Variants in SHANK2 observed in about 807,000 individuals in gnomAD.
The protein encoded by SHANK2 is SH3 and multiple ankyrin repeat domains 2, also known as SH3 and multiple ankyrin repeat domains protein 2.
In SHANK2, 43 loss-of-function variants were observed where a neutral mutation model predicts 133.7. That is an observed-to-expected ratio of 0.32 (90% CI 0.25 to 0.41). The LOEUF (loss-of-function observed/expected upper bound fraction) is 0.41, where lower values mean the gene tolerates loss of function less well. Ranked by LOEUF, SHANK2 falls within the 10% of genes least tolerant of loss-of-function variation. The pLI is 1.00. For synonymous variants in SHANK2, 1,017 were observed against 952.8 expected, an observed-to-expected ratio of 1.07 and a Z score of -1.24; for missense variants, 1,994 against 2,235.8, an observed-to-expected ratio of 0.89 and a Z score of 2.18.
intron 17 of SHANK2, chr11:70,631,730 T>G (rs916499628): frequency 1.3e-5 from 2 of 152,310 alleles, no homozygotes; most frequent in African/African-American, 4.8e-5. Flanking sequence ...GGATGAAGCC[T>G]GGCCCAAAGC....
At chr11:71,072,080 G>C (rs1350525977) in intron 9 of SHANK2, among the ~76,000 whole-genome samples, 2 of 152,312 alleles carry the variant, frequency 1.3e-5, no homozygotes, top group African/African-American at 4.8e-5. Context: ...GGCACGGACA[G>C]AGAAGTCCTT....
At chr11:70,910,572 C>T (rs1315703329) in intron 10 of SHANK2, among the ~76,000 whole-genome samples, 1 of 152,138 alleles carries the variant, frequency 6.6e-6, no homozygotes, top group Admixed American at 6.5e-5. Flanking sequence ...CACTGAGAGG[C>T]TGAGGTGGAC....
At chr11:71,083,049 G>T (rs1253018618) in intron 8 of SHANK2, among the ~76,000 whole-genome samples, 2 of 151,562 alleles carry the variant, frequency 1.3e-5, no homozygotes, top group Non-Finnish European at 2.9e-5. Flanking sequence ...GGCTCAGGGG[G>T]TCCTCCCACC....
chr11:71,163,093 A>AAAAAAACATATATATAT, intron 2 of SHANK2, among the ~76,000 whole-genome samples: 1 of 84,676 alleles, frequency 1.2e-5, no homozygotes, highest in Non-Finnish European at 2.5e-5. Context: ...AAAAAAAAAA[A>AAAAAAACATATATATAT]ATACATATAT....
intron 11 of SHANK2, among the ~76,000 whole-genome samples, chr11:70,840,810 G>C (rs1341876467): frequency 1.3e-5 from 2 of 152,148 alleles, no homozygotes. Flanking sequence ...TGCAGTGGGG[G>C]TTCTCATGCT....
intron 11 of SHANK2, among the ~76,000 whole-genome samples, chr11:70,868,256 C>T (rs1949402745): frequency 6.6e-6 from 1 of 152,244 alleles, no homozygotes; most frequent in East Asian, 1.9e-4. Flanking sequence ...GGTCGGCATA[C>T]GGACACCTGT....
Position 70,606,279 on chromosome 11 carries a change from T to G in SHANK2, c.2061+53549A>C, listed in dbSNP as rs576734659. On this transcript the variant is annotated intron_variant, in intron 17 of 25. Coordinates refer to ENST00000601538, the MANE Select transcript of SHANK2 (RefSeq NM_012309.5). Reference sequence around the variant, plus strand: ...TTAAAGATCCTAGCATGAACAGGCTTGGTTGCTCCTGCCTTTGATCCCAAT... The same window carrying G: ...TTAAAGATCCTAGCATGAACAGGCTGGGTTGCTCCTGCCTTTGATCCCAAT... 2.0e-5 allele frequency among the ~76,000 whole-genome samples: 3 copies of G among 152,248 alleles called. No individual in the cohort carries two copies. The East Asian group carries it at 5.8e-4, about 29-fold the overall frequency.
chr11:70,489,392 C>T, intron 23 of SHANK2, 44 bp from the exon 24 acceptor site: 1 of 1,605,560 alleles, frequency 6.2e-7, no homozygotes, highest in Non-Finnish European at 8.5e-7. Flanking sequence ...AACCGCAAGA[C>T]AAATACGCAG....
chr11:70,815,322 G>C (rs1057264061), intron 12 of SHANK2, among the ~76,000 whole-genome samples: 5 of 151,760 alleles, frequency 3.3e-5, no homozygotes, highest in African/African-American at 1.2e-4. Context: ...AGACTGTGGG[G>C]GAGGATGGGG....
At chr11:70,885,282 G>A (rs1363713355) in intron 11 of SHANK2, among the ~76,000 whole-genome samples, 1 of 152,330 alleles carries the variant, frequency 6.6e-6, no homozygotes, top group Middle Eastern at 3.4e-3. Context: ...GGGGGATGGA[G>A]TGGGAAAGGC....
chr11:70,689,046 G>C (rs535455920), intron 15 of SHANK2, among the ~76,000 whole-genome samples: 1 of 152,210 alleles, frequency 6.6e-6, no homozygotes, highest in South Asian at 2.1e-4. Context: ...GGAACGTGCA[G>C]TTCACCTGAG....
intron 14 of SHANK2, among the ~76,000 whole-genome samples, chr11:70,786,560 T>C (rs150589513): frequency 2.0e-5 from 3 of 152,310 alleles, no homozygotes; most frequent in Admixed American, 6.5e-5. Context: ...CTGCAGGGCA[T>C]ATAAATCCAA....
intron 14 of SHANK2, among the ~76,000 whole-genome samples, chr11:70,763,602 C>T (rs544646563): frequency 2.0e-5 from 3 of 152,280 alleles, no homozygotes; most frequent in Middle Eastern, 3.4e-3. Flanking sequence ...CATGTGCTTT[C>T]GGGCCAACAG....
chr11:71,244,623 C>G (rs950339357), intron 1 of SHANK2, among the ~76,000 whole-genome samples: 1 of 152,208 alleles, frequency 6.6e-6, no homozygotes, highest in African/African-American at 2.4e-5. Flanking sequence ...GGAGCAGATA[C>G]GGGAACCCAG....
Position 70,778,835 on chromosome 11 carries a change from C to G in SHANK2, c.1777+19608G>C, listed in dbSNP as rs117345055. Among the ~76,000 whole-genome samples, 19 of 152,274 alleles carry G rather than the reference C, an allele frequency of 1.2e-4. 1 individual carries two copies. In the East Asian group the frequency reaches 3.1e-3, roughly 25 times the overall value. The stretch of plus-strand genomic sequence containing the variant: ...CCTCCACACTGGCAGCCCAGTGTAG[C>G]ACTAAGAAGGTTTCTAACCCCGTGA... On this transcript the variant is annotated intron_variant, in intron 14 of 25. Coordinates refer to ENST00000601538, the MANE Select transcript of SHANK2 (RefSeq NM_012309.5).
intron 11 of SHANK2, chr11:70,863,384 C>T (rs1949293254): frequency 2.2e-6 from 1 of 457,954 alleles, no homozygotes; most frequent in Non-Finnish European, 4.4e-6. Flanking sequence ...TCATCCAGTG[C>T]TGGCCCTGTC....
At chr11:71,211,668 G>A (rs1460514612) in intron 2 of SHANK2, among the ~76,000 whole-genome samples, 2 of 145,156 alleles carry the variant, frequency 1.4e-5, no homozygotes, top group Non-Finnish European at 3.0e-5. Flanking sequence ...AAATTAACCT[G>A]TATCCCTTAG....
chr11:70,891,359 G>T lies in SHANK2; in HGVS notation c.1174+5142C>A, dbSNP rs188580716. Among the ~76,000 whole-genome samples the T allele has an allele frequency of 9.6e-4, 146 of 152,228 alleles. 2 individuals carry two copies. Among genetic ancestry groups the T allele is most frequent in the Admixed American group, 5.0e-3 (77 of 15,284 alleles). Reference sequence around the variant, plus strand: ...CTACTAAAGATACAAAAAAGTAGCCGGGGGTGGTGGCGGGCGCCCGTAGTC... The same window carrying T: ...CTACTAAAGATACAAAAAAGTAGCCTGGGGTGGTGGCGGGCGCCCGTAGTC... On this transcript the variant is annotated intron_variant, in intron 11 of 25. Coordinates refer to ENST00000601538, the MANE Select transcript of SHANK2 (RefSeq NM_012309.5).
At chr11:70,922,356 A>G (rs957528608) in intron 10 of SHANK2, among the ~76,000 whole-genome samples, 2 of 152,238 alleles carry the variant, frequency 1.3e-5, no homozygotes, top group South Asian at 4.1e-4. Context: ...TACTACATAC[A>G]TTAAGCCTAA....
Sources: gnomAD v4.1 joint callset for allele counts (sites outside exome capture counted in the v4.1 genomes callset) on GRCh38, gnomAD v4.1.1 for gene constraint, MANE v1.5 for transcripts, NCBI Gene and HGNC (gene_info 2026-07-23, HGNC 2026-07-21) for gene names.